PSD3: variants seen among roughly 807,000 people sequenced by gnomAD.
The protein encoded by PSD3 is PH and SEC7 domain-containing protein 3.
PSD3 carries 49 observed loss-of-function variants against 105.5 expected under a neutral mutation model. The observed-to-expected ratio is 0.46, with a 90% CI of 0.37 to 0.59. The LOEUF (loss-of-function observed/expected upper bound fraction) is 0.59, where lower values mean the gene tolerates loss of function less well. PSD3 is among the 20% of genes least tolerant of loss of function. The pLI is 0.00. For missense variants in PSD3, 1,561 were observed against 1,263.8 expected (o/e 1.24, Z -3.57); for synonymous variants, 557 against 457.8 (o/e 1.22, Z -2.77).
chr8:18,548,094 C>A (rs1387938529), intron 15 of PSD3, among the ~76,000 whole-genome samples: 2 of 152,156 alleles, frequency 1.3e-5, no homozygotes, highest in Non-Finnish European at 2.9e-5. Context: ...CTGCTGTTGA[C>A]ACTTTCTATT....
At chr8:18,976,438 A>G (rs1416949767) in intron 1 of PSD3, among the ~76,000 whole-genome samples, 1 of 152,210 alleles carries the variant, frequency 6.6e-6, no homozygotes, top group Non-Finnish European at 1.5e-5. Context: ...TGGTAGGAGT[A>G]TATGTGGACA....
chr8:19,081,440 G>A (rs1031379269), intron 1 of PSD3, among the ~76,000 whole-genome samples: 2 of 152,184 alleles, frequency 1.3e-5, no homozygotes, highest in African/African-American at 4.8e-5. Context: ...CTGGACTGGG[G>A]GTAGACAACT....
chr8:18,878,017 A>AT (rs1162504168), intron 2 of PSD3, among the ~76,000 whole-genome samples: 5 of 152,142 alleles, frequency 3.3e-5, no homozygotes, highest in Non-Finnish European at 2.9e-5. Flanking sequence ...GAAAGCTGTG[A>AT]TTTTGATAGG....
intron 1 of PSD3, among the ~76,000 whole-genome samples, chr8:18,952,199 C>T (rs376667938): frequency 6.6e-6 from 1 of 152,120 alleles, no homozygotes; most frequent in African/African-American, 2.4e-5. Context: ...CATCCTACTC[C>T]TCCCCTACCC....
In PSD3 at chr8:18,871,834, G is replaced by A. The variant is rs1359114215; in HGVS notation, c.1030C>T (p.Leu344Phe). 1 of 1,614,100 alleles carries A rather than the reference G, an allele frequency of 6.2e-7. No individual in the cohort carries two copies. Among genetic ancestry groups the A allele is most frequent in the Non-Finnish European group, 8.5e-7 (1 of 1,180,026 alleles). Residue 344 changes from leucine to phenylalanine, a missense_variant, in exon 3 of 16, where the codon CTC becomes TTC. Leu to Phe is a conservative substitution (Grantham distance 22). Coordinates refer to ENST00000327040, the MANE Select transcript of PSD3 (RefSeq NM_015310.4). ...SKESSKVPRH[L>F]ISSAGLCNSS... ...TTACACAAACCAGCTGATGAGATGA[G>A]ATGGCGTGGCACTTTGGAAGACTCT...
intron 4 of PSD3, among the ~76,000 whole-genome samples, chr8:18,819,011 T>C (rs871762): frequency 0.8 from 121,442 of 151,890 alleles, 49,532 homozygotes; most frequent in East Asian, 0.91. Flanking sequence ...TGGAGTAATC[T>C]GGACAAGCAC....
chr8:18,734,440 C>T (rs1030800971), intron 9 of PSD3: 2 of 152,068 alleles, frequency 1.3e-5, no homozygotes, highest in Non-Finnish European at 2.9e-5. Context: ...GGAAAAGACA[C>T]AAATTTTGTT....
chr8:19,021,128 T>C (rs1827348935), intron 1 of PSD3, among the ~76,000 whole-genome samples: 1 of 152,100 alleles, frequency 6.6e-6, no homozygotes, highest in Non-Finnish European at 1.5e-5. Flanking sequence ...ATTAGGGAGA[T>C]GAGTAAGAAC....
chr8:18,702,648 T>C (rs556874417), intron 9 of PSD3, among the ~76,000 whole-genome samples: 2 of 152,200 alleles, frequency 1.3e-5, no homozygotes, highest in African/African-American at 4.8e-5. Flanking sequence ...AATCTCGCTC[T>C]GTTGCCCAGG....
At chr8:18,578,487 T>C (rs1802598352) in intron 12 of PSD3, among the ~76,000 whole-genome samples, 2 of 152,118 alleles carry the variant, frequency 1.3e-5, no homozygotes, top group South Asian at 4.1e-4. Context: ...TATTTTGCTA[T>C]CTCTTCTTCT....
chr8:18,932,229 C>T (rs1043326112), intron 2 of PSD3, among the ~76,000 whole-genome samples: 1 of 152,168 alleles, frequency 6.6e-6, no homozygotes, highest in Non-Finnish European at 1.5e-5. Flanking sequence ...ACTGAGGAGG[C>T]TCAGTGTTGT....
At chr8:18,580,492 G>C (rs1802742784) in intron 12 of PSD3, among the ~76,000 whole-genome samples, 1 of 152,090 alleles carries the variant, frequency 6.6e-6, no homozygotes, top group Non-Finnish European at 1.5e-5. Flanking sequence ...CAAAGCTGCA[G>C]TGAACTGTGA....
In PSD3 at chr8:18,530,231, AG is replaced by A. The variant is rs1799578733; in HGVS notation, c.*5511del. ...CCTATTTACACTCTATAATATAAGC[AG>A]TAAGCTCAAACAACTAAGGCCAGTG... On this transcript the variant is annotated 3_prime_UTR_variant, in exon 16 of 16. Coordinates refer to ENST00000327040, the MANE Select transcript of PSD3 (RefSeq NM_015310.4). 1 of 152,692 alleles carries A rather than the reference AG, an allele frequency of 6.5e-6. No individual in the cohort carries two copies. The highest frequency in any genetic ancestry group is 2.4e-5 in the African/African-American group (1 of 41,476). 9.5% of individuals were successfully genotyped at this position (152,692 alleles called of 1,614,324 possible).
intron 4 of PSD3, among the ~76,000 whole-genome samples, chr8:18,823,848 G>A (rs1051409497): frequency 8.7e-5 from 13 of 150,088 alleles, no homozygotes; most frequent in Non-Finnish European, 1.6e-4. Context: ...TTCCTAATAC[G>A]CTGACAAGGC....
intron 14 of PSD3, among the ~76,000 whole-genome samples, chr8:18,558,895 T>C (rs1801234560): frequency 6.6e-6 from 1 of 152,208 alleles, no homozygotes; most frequent in African/African-American, 2.4e-5. Flanking sequence ...AATTAAAGGC[T>C]TTCTTTTGTA....
intron 2 of PSD3, among the ~76,000 whole-genome samples, chr8:18,929,798 G>A (rs1252219552): frequency 6.6e-6 from 1 of 151,664 alleles, no homozygotes; most frequent in Non-Finnish European, 1.5e-5. Flanking sequence ...AAAAATCCAG[G>A]AAACAGAAGA....
Position 18,527,623 on chromosome 8 carries a change from A to T in PSD3, c.*8120T>A, listed in dbSNP as rs1799476836. The T allele has an allele frequency of 6.5e-6, 1 of 152,694 alleles. No homozygotes were observed. The highest frequency in any genetic ancestry group is 6.5e-5 in the Admixed American group (1 of 15,290). The allele number at this position is 152,694 out of a possible 1,614,324, so 9.5% of individuals were successfully genotyped here. A position where few individuals can be genotyped will look rare whatever the true frequency, so the allele number is the denominator to read the frequency against. On this transcript the variant is annotated 3_prime_UTR_variant, in exon 16 of 16. Transcript: ENST00000327040. ...GTAATATTTATATACAACTATTTTA[A>T]TAAAAAATAAAGCAATTGTAAAATG...
At chr8:18,696,811 C>G (rs554012583) in intron 9 of PSD3, among the ~76,000 whole-genome samples, 1 of 152,296 alleles carries the variant, frequency 6.6e-6, no homozygotes, top group Non-Finnish European at 1.5e-5. Flanking sequence ...TAGAATGGTA[C>G]TGTCCAATAG....
chr8:18,754,619 A>G (rs907290483), intron 9 of PSD3, among the ~76,000 whole-genome samples: 5 of 152,072 alleles, frequency 3.3e-5, no homozygotes, highest in Admixed American at 1.3e-4. Flanking sequence ...GTGAAAACTA[A>G]TTGTGGGTAT....
Sources: gnomAD v4.1 joint callset for allele counts (sites outside exome capture counted in the v4.1 genomes callset) on GRCh38, gnomAD v4.1.1 for gene constraint, MANE v1.5 for transcripts, NCBI Gene and HGNC (gene_info 2026-07-23, HGNC 2026-07-21) for gene names.